ENOX2: variants seen among roughly 807,000 people sequenced by gnomAD.
ENOX2 encodes ecto-NOX disulfide-thiol exchanger 2.
In ENOX2, 36 loss-of-function variants were observed where a neutral mutation model predicts 45.0. The observed-to-expected ratio is 0.80, with a 90% CI of 0.61 to 1.06. The LOEUF is 1.06. ENOX2 is among the 50% of genes least tolerant of loss of function. The probability of loss-of-function intolerance (pLI) is 0.00; values close to 1 mark genes in which losing one functional copy is unlikely to be tolerated. For missense variants in ENOX2, 423 were observed against 462.5 expected, an observed-to-expected ratio of 0.91 and a Z score of 0.78; for synonymous variants, 174 against 152.3, an observed-to-expected ratio of 1.14 and a Z score of -1.05.
chrX:130,691,980 C>T (rs182593561), intron 4 of ENOX2, among the ~76,000 whole-genome samples: 1 of 113,197 alleles, frequency 8.8e-6, no homozygotes, highest in Non-Finnish European at 1.9e-5. Flanking sequence ...TAAAAGCAAA[C>T]GTATTCATTG....
At chrX:130,865,627 A>T (rs760374478) in intron 2 of ENOX2, among the ~76,000 whole-genome samples, 7 of 112,360 alleles carry the variant, frequency 6.2e-5, no homozygotes, top group Non-Finnish European at 9.4e-5. Flanking sequence ...CTACACACTT[A>T]GGAAACATCA....
chrX:130,877,233 C>A (rs182239203), intron 2 of ENOX2, among the ~76,000 whole-genome samples: 38 of 111,772 alleles, frequency 3.4e-4, no homozygotes, highest in Non-Finnish European at 5.1e-4. Flanking sequence ...TAAGCCATTT[C>A]TAATATTTAT....
chrX:130,803,079 G>A (rs947479560), intron 2 of ENOX2, among the ~76,000 whole-genome samples: 20 of 111,629 alleles, frequency 1.8e-4, no homozygotes, highest in African/African-American at 6.5e-4. Flanking sequence ...GTAAGAATAT[G>A]GGCTTTATGC....
At chrX:130,642,152 T>A (rs747296948) in intron 10 of ENOX2, among the ~76,000 whole-genome samples, 45 of 112,553 alleles carry the variant, frequency 4.0e-4, no homozygotes, top group African/African-American at 1.3e-3. Flanking sequence ...CCATTAAGAA[T>A]GTTCATGATT....
chrX:130,815,978 G>A (rs927274118), intron 2 of ENOX2, among the ~76,000 whole-genome samples: 14 of 111,109 alleles, frequency 1.3e-4, no homozygotes, highest in Admixed American at 2.9e-4. Context: ...AAGACCCATC[G>A]GTGTGCTGTA....
chrX:130,708,061 C>T (rs1337750398), intron 3 of ENOX2, among the ~76,000 whole-genome samples: 1 of 111,703 alleles, frequency 9.0e-6, no homozygotes, highest in African/African-American at 3.3e-5. Flanking sequence ...ATGCAATAGA[C>T]AGATATTAAA....
At chrX:130,811,078 C>T (rs1033309099) in intron 2 of ENOX2, among the ~76,000 whole-genome samples, 2 of 111,949 alleles carry the variant, frequency 1.8e-5, no homozygotes, top group Admixed American at 9.3e-5. Flanking sequence ...GCTCTAGAAT[C>T]ACCCCTGCAG....
At chrX:130,742,992 G>C in intron 3 of ENOX2, among the ~76,000 whole-genome samples, 1 of 112,160 alleles carries the variant, frequency 8.9e-6, no homozygotes, top group South Asian at 3.8e-4. Context: ...CTAGGGTGAC[G>C]GTGAAAACCA....
intron 9 of ENOX2, among the ~76,000 whole-genome samples, chrX:130,658,197 G>A (rs1479126947): frequency 2.7e-5 from 3 of 111,045 alleles, no homozygotes; most frequent in South Asian, 3.7e-4. Flanking sequence ...TTATAATCTC[G>A]TCTGATAACT....
chrX:130,746,066 T>A (rs1287874406), intron 3 of ENOX2, among the ~76,000 whole-genome samples: 1 of 112,065 alleles, frequency 8.9e-6, no homozygotes, highest in Non-Finnish European at 1.9e-5. Flanking sequence ...AACCTCTGAA[T>A]CAAAGAGAGC....
At chrX:130,832,331 T>C (rs2077847924) in intron 2 of ENOX2, among the ~76,000 whole-genome samples, 2 of 109,702 alleles carry the variant, frequency 1.8e-5, no homozygotes, top group Admixed American at 9.9e-5. Flanking sequence ...ATAAATGACT[T>C]GCCCAAAGAA....
chrX:130,812,012 C>T (rs1326134233), intron 2 of ENOX2, among the ~76,000 whole-genome samples: 1 of 110,488 alleles, frequency 9.1e-6, no homozygotes, highest in Non-Finnish European at 1.9e-5. Flanking sequence ...TGAAAATATA[C>T]AGTAAGAGGA....
At chrX:130,754,983 A>G (rs891888827) in intron 3 of ENOX2, among the ~76,000 whole-genome samples, 3 of 112,249 alleles carry the variant, frequency 2.7e-5, no homozygotes, top group Non-Finnish European at 5.6e-5. Context: ...GAAATTTGAG[A>G]AACTAGGAGT....
chrX:130,800,163 T>G (rs1216676375), intron 2 of ENOX2, among the ~76,000 whole-genome samples: 1 of 111,380 alleles, frequency 9.0e-6, no homozygotes, highest in East Asian at 2.8e-4. Flanking sequence ...GTGAGACATT[T>G]CAAAACACAC....
chrX:130,804,044 G>A lies in ENOX2; in HGVS notation c.-182-20354C>T, dbSNP rs765122000. Among the ~76,000 whole-genome samples the A allele has an allele frequency of 1.8e-3, 203 of 111,407 alleles. 1 individual carries two copies. The highest frequency in any genetic ancestry group is 6.1e-3 in the African/African-American group (188 of 30,727). ...CAGAATCTCCACCAGAGCACTAACA[G>A]GTAGCAAAATTGGCTGATAGAAGCA... On this transcript the variant is annotated intron_variant, in intron 2 of 14. Coordinates refer to ENST00000394363, the MANE Select transcript of ENOX2 (RefSeq NM_006375.4).
At chrX:130,837,002 G>A (rs1784415929) in intron 2 of ENOX2, among the ~76,000 whole-genome samples, 1 of 111,635 alleles carries the variant, frequency 9.0e-6, no homozygotes, top group Admixed American at 9.5e-5. Context: ...AAAGGTGTCT[G>A]AATGAATAGA....
In ENOX2 at chrX:130,805,732, C is replaced by T. The variant is rs779341786; in HGVS notation, c.-182-22042G>A. Among the ~76,000 whole-genome samples, 8 of 111,568 alleles carry T rather than the reference C, an allele frequency of 7.2e-5. No individual in the cohort carries two copies. The East Asian group carries it at 2.0e-3, about 27-fold the overall frequency. Reference sequence around the variant, plus strand: ...TCGATCTCTTTCTATCACTTATTCTCACTTCATTAGAGGCATGGAACTGAG... The same window carrying T: ...TCGATCTCTTTCTATCACTTATTCTTACTTCATTAGAGGCATGGAACTGAG... On this transcript the variant is annotated intron_variant, in intron 2 of 14. Coordinates refer to ENST00000394363, the MANE Select transcript of ENOX2 (RefSeq NM_006375.4).
intron 11 of ENOX2, 107 bp from the exon 12 acceptor site, chrX:130,635,198 C>T (rs910657357): frequency 9.5e-6 from 4 of 421,715 alleles, no homozygotes; most frequent in Non-Finnish European, 1.6e-5. Context: ...CACTTTCCTC[C>T]AGCACACACG....
intron 3 of ENOX2, among the ~76,000 whole-genome samples, chrX:130,769,536 C>G: frequency 8.9e-6 from 1 of 111,812 alleles, no homozygotes; most frequent in Non-Finnish European, 1.9e-5. Context: ...GTAATTCTAA[C>G]TAAGAACTAA....
Sources: allele counts gnomAD v4.1 joint callset (sites outside exome capture counted in the v4.1 genomes callset), GRCh38; gene constraint gnomAD v4.1.1; transcripts MANE v1.5; gene names NCBI Gene and HGNC (gene_info 2026-07-23, HGNC 2026-07-21).